The following COL11A1 variants were observed in gnomAD, a reference collection of about 807,000 sequenced individuals.
COL11A1 encodes the protein collagen type XI alpha 1 chain.
A neutral mutation model predicts 265.2 loss-of-function variants in COL11A1; 74 were observed. The observed-to-expected ratio is 0.28, with a 90% CI of 0.23 to 0.34. The LOEUF is 0.34. Ranked by LOEUF, COL11A1 falls within the 10% of genes least tolerant of loss-of-function variation. COL11A1 has a pLI of 1.00. For missense variants in COL11A1, 2,165 were observed against 2,263.6 expected, an observed-to-expected ratio of 0.96 and a Z score of 0.88; for synonymous variants, 816 against 727.6, an observed-to-expected ratio of 1.12 and a Z score of -1.96.
intron 20 of COL11A1, 134 bp from the exon 21 acceptor site, chr1:103,003,402 G>A: frequency 1.1e-6 from 1 of 942,226 alleles, no homozygotes; most frequent in Admixed American, 2.3e-5. Context: ...CACACTGAAA[G>A]TGATGTCCAT....
At chr1:102,960,591 C>G (rs1660806182) in intron 41 of COL11A1, among the ~76,000 whole-genome samples, 1 of 151,762 alleles carries the variant, frequency 6.6e-6, no homozygotes, top group African/African-American at 2.4e-5. Context: ...TGGGTAGGAT[C>G]TTTGTCAAGT....
chr1:103,031,063 C>T (rs750353838), intron 5 of COL11A1, 53 bp downstream of exon 5: 1 of 1,595,238 alleles, frequency 6.3e-7, no homozygotes, highest in African/African-American at 1.3e-5. Flanking sequence ...AACTGCACTG[C>T]GATGTCCATA....
chr1:102,961,829 C>A lies in COL11A1; in HGVS notation c.3168+37G>T, dbSNP rs371621900. On this transcript the variant is annotated intron_variant, in intron 41 of 66. Coordinates refer to ENST00000370096, the MANE Select transcript of COL11A1 (RefSeq NM_001854.4). Reference sequence around the variant, plus strand: ...ATGAAAGAAGAGCTGTAATTCACAACCATGATTGTCTGGCTATTTATTATC... The same window carrying A: ...ATGAAAGAAGAGCTGTAATTCACAAACATGATTGTCTGGCTATTTATTATC... 72 of 1,587,602 alleles carry A rather than the reference C, an allele frequency of 4.5e-5. No homozygotes were observed. In the African/African-American group the frequency reaches 7.0e-4, roughly 15 times the overall value.
intron 24 of COL11A1, among the ~76,000 whole-genome samples, chr1:102,998,860 C>T (rs550431063): frequency 5.9e-5 from 9 of 151,724 alleles, no homozygotes; most frequent in Middle Eastern, 3.5e-3. Context: ...GAAAGTAAAT[C>T]GATTTTAATG....
intron 52 of COL11A1, 103 bp from the exon 53 acceptor site, chr1:102,913,793 A>G: frequency 9.9e-7 from 1 of 1,010,212 alleles, no homozygotes; most frequent in Non-Finnish European, 1.6e-6. Flanking sequence ...GAGAAAAATT[A>G]TCAGATGGAC....
intron 57 of COL11A1, among the ~76,000 whole-genome samples, chr1:102,896,104 C>T (rs1397773884): frequency 2.0e-5 from 3 of 151,602 alleles, no homozygotes; most frequent in East Asian, 3.9e-4. Flanking sequence ...CTTAAGAACC[C>T]CATGGGGTAG....
rs1570726309 is a variant in COL11A1 at position 102,918,599 on chromosome 1, AC to A, written c.3762+1711del. ...ATCAACAACAACAAAAAACAAACAAACAAACAAAAAAATGAAGGTTAGAATT... is the reference window on the plus strand; with the variant it reads ...ATCAACAACAACAAAAAACAAACAAAAAACAAAAAAATGAAGGTTAGAATT... On this transcript the variant is annotated intron_variant, in intron 49 of 66. Coordinates refer to ENST00000370096, the MANE Select transcript of COL11A1 (RefSeq NM_001854.4). 2.0e-5 allele frequency among the ~76,000 whole-genome samples: 3 copies of A among 151,410 alleles called. No individual in the cohort carries two copies. In the East Asian group the frequency reaches 5.8e-4, roughly 29 times the overall value.
chr1:103,102,656 T>C (rs1206474539), intron 1 of COL11A1, among the ~76,000 whole-genome samples: 1 of 152,026 alleles, frequency 6.6e-6, no homozygotes, highest in East Asian at 1.9e-4. Flanking sequence ...TCTAATAAAA[T>C]TCTGGCTTTT....
intron 22 of COL11A1, 22 bp downstream of exon 22, chr1:103,002,723 ATT>A: frequency 1.2e-6 from 2 of 1,600,020 alleles, no homozygotes; most frequent in Non-Finnish European, 1.7e-6. Flanking sequence ...AATATGAGTT[ATT>A]TTATCACTAT....
chr1:102,950,876 C>T (rs1006050237), intron 41 of COL11A1, among the ~76,000 whole-genome samples: 2 of 152,092 alleles, frequency 1.3e-5, no homozygotes, highest in Non-Finnish European at 2.9e-5. Flanking sequence ...GGTCAGTTTC[C>T]CCCATGCTGT....
In COL11A1 at chr1:102,979,409, T is replaced by C; in HGVS notation, c.2583A>G (p.Pro861=). The C allele has an allele frequency of 6.2e-7, 1 of 1,610,384 alleles. No individual in the cohort carries two copies. The highest frequency in any genetic ancestry group is 8.5e-7 in the Non-Finnish European group (1 of 1,176,720). ...PKGSTGFPGF[P]GANGEKGARG... is the part of the protein sequence containing the mutation. ...GTGCACCTTTCTCTCCATTGGCACC[T>C]GGAAACCCAGGGAATCCAGTGGAAC... is the stretch of plus-strand genomic sequence containing the variant. Residue 861 remains proline (P), a synonymous_variant, in exon 32 of 67, where the codon CCA becomes CCG. Transcript: ENST00000370096.
chr1:103,107,986 G>T, intron 1 of COL11A1, 87 bp downstream of exon 1: 1 of 898,316 alleles, frequency 1.1e-6, no homozygotes, highest in Non-Finnish European at 1.8e-6. Context: ...CTTGAAGAGC[G>T]GGGAGGAAGG....
At chr1:102,972,915 C>T (rs550476878) in intron 36 of COL11A1, among the ~76,000 whole-genome samples, 14 of 151,318 alleles carry the variant, frequency 9.3e-5, no homozygotes, top group East Asian at 3.9e-4. Context: ...CAAAATATGC[C>T]GATATGGGCA....
chr1:103,101,274 C>T (rs756448427), intron 1 of COL11A1, among the ~76,000 whole-genome samples: 31 of 151,784 alleles, frequency 2.0e-4, no homozygotes, highest in Non-Finnish European at 3.7e-4. Context: ...ACAAACTTAT[C>T]CTAAAAGCCA....
At chr1:103,005,799 A>T in intron 18 of COL11A1, 39 bp downstream of exon 18, 1 of 1,610,008 alleles carries the variant, frequency 6.2e-7, no homozygotes, top group Non-Finnish European at 8.5e-7. Flanking sequence ...AAAATATTTT[A>T]TAACATTCCC....
intron 24 of COL11A1, 77 bp downstream of exon 24, chr1:103,001,848 G>A (rs1570994707): frequency 7.6e-7 from 1 of 1,323,056 alleles, no homozygotes; most frequent in East Asian, 2.3e-5. Flanking sequence ...AAAAACAGAA[G>A]GCAGACCTTA....
At chr1:102,881,300 T>C (rs1650210946) in intron 65 of COL11A1, among the ~76,000 whole-genome samples, 1 of 152,042 alleles carries the variant, frequency 6.6e-6, no homozygotes, top group African/African-American at 2.4e-5. Flanking sequence ...ACATTCCAAC[T>C]TATTGATATG....
At chr1:102,883,156 C>G in intron 64 of COL11A1, 43 bp downstream of exon 64, 1 of 1,269,582 alleles carries the variant, frequency 7.9e-7, no homozygotes, top group Non-Finnish European at 1.2e-6. Context: ...CAAAACATGG[C>G]AGGAACTGTC....
chr1:102,899,069 C>A, intron 54 of COL11A1, 75 bp from the exon 55 acceptor site: 1 of 795,506 alleles, frequency 1.3e-6, no homozygotes, highest in Non-Finnish European at 1.9e-6. Flanking sequence ...TTTACAAACA[C>A]TAAACTTTAG....
Sources: allele counts gnomAD v4.1 joint callset (sites outside exome capture counted in the v4.1 genomes callset), GRCh38; gene constraint gnomAD v4.1.1; transcripts MANE v1.5; gene names NCBI Gene and HGNC (gene_info 2026-07-23, HGNC 2026-07-21).